RBM45: variants seen among roughly 807,000 people sequenced by gnomAD.
RBM45 encodes the protein RNA binding motif protein 45.
RBM45 carries 39 observed loss-of-function variants against 58.5 expected under a neutral mutation model. That is an observed-to-expected ratio of 0.67 (90% CI 0.52 to 0.87). The LOEUF is 0.87. Ranked by LOEUF, RBM45 falls within the 40% of genes least tolerant of loss-of-function variation. RBM45 has a pLI of 0.00. For synonymous variants in RBM45, 193 were observed against 203.0 expected, an observed-to-expected ratio of 0.95 and a Z score of 0.42; for missense variants, 481 against 581.6, an observed-to-expected ratio of 0.83 and a Z score of 1.78.
chr2:178,123,889 A>T lies in RBM45; in HGVS notation c.1045A>T (p.Asn349Tyr). ...ACAGCTTGCATCAATGGTGTGGAAT[A>T]ACCCAAGTCAGCAACAATTTATGGT... is the stretch of plus-strand genomic sequence containing the variant. ...AAQLASMVWN[N>Y]PSQQQFMQFG... Residue 349 changes from asparagine to tyrosine, a missense_variant, in exon 7 of 10, where the codon AAC becomes TAC. Asn to Tyr is a moderately radical substitution (Grantham distance 143). Transcript: ENST00000286070. 6.2e-7 allele frequency: 1 copy of T among 1,614,106 alleles called. No homozygotes were observed. The highest frequency in any genetic ancestry group is 1.3e-5 in the African/African-American group (1 of 75,064).
At chr2:178,113,100 C>T (rs954937317) in intron 1 of RBM45, among the ~76,000 whole-genome samples, 2 of 152,174 alleles carry the variant, frequency 1.3e-5, no homozygotes, top group African/African-American at 4.8e-5. Context: ...CCGCGGCCAC[C>T]GGGTGACAGA....
chr2:178,118,173 G>A lies in RBM45; in HGVS notation c.542G>A (p.Cys181Tyr). Residue 181 changes from cysteine to tyrosine, a missense_variant, in exon 3 of 10, where the codon TGT (cysteine) becomes TAT (tyrosine). Transcript: ENST00000286070. ...CAAGCTGCCCAAGCAATAGAAAACT[G>A]TGATCGAAGTAAGGATGTGTTTAAC... ...PSQAAQAIEN[C>Y]DRSFRAILAE... is the part of the protein sequence containing the mutation. The A allele has an allele frequency of 6.2e-7, 1 of 1,610,844 alleles. No individual in the cohort carries two copies. Among genetic ancestry groups the A allele is most frequent in the Non-Finnish European group, 8.5e-7 (1 of 1,178,392 alleles).
downstream of RBM45, among the ~76,000 whole-genome samples, chr2:178,132,331 T>G (rs2088012178): frequency 6.6e-6 from 1 of 152,242 alleles, no homozygotes; most frequent in African/African-American, 2.4e-5. Flanking sequence ...ACAGGTTTCA[T>G]CTACTGTAGA....
chr2:178,137,191 A>G (rs1348604535), exon 4 of RBM45: 1 of 152,238 alleles, frequency 6.6e-6, no homozygotes, highest in Non-Finnish European at 1.5e-5. Context: ...TTAAAACTAC[A>G]ATAAGCTACC....
chr2:178,115,406 G>A (rs369893324), intron 1 of RBM45, among the ~76,000 whole-genome samples: 14 of 151,612 alleles, frequency 9.2e-5, no homozygotes, highest in African/African-American at 3.4e-4. Context: ...TATACTTAAA[G>A]CTTCCCTATT....
At chr2:178,129,795 A>G (rs960362930), downstream of RBM45, 8 of 152,530 alleles carry the variant, frequency 5.2e-5, no homozygotes, top group Non-Finnish European at 1.0e-4. Flanking sequence ...AAGCATCTCA[A>G]TATCAGTTGT....
rs1034417193 is a variant in RBM45 at position 178,112,711 on chromosome 2, G to T, written c.165G>T (p.Trp55Cys). The T allele has an allele frequency of 6.2e-7, 1 of 1,614,234 alleles. No homozygotes were observed. The highest frequency in any genetic ancestry group is 1.7e-5 in the Admixed American group (1 of 60,034). Residue 55 changes from tryptophan to cysteine, a missense_variant, in exon 1 of 10, where the codon TGG becomes TGT. Coordinates refer to ENST00000286070, the MANE Select transcript of RBM45 (RefSeq NM_152945.4). ...FSPFGDIQDIWVVRDKHTKES... is the reference protein window; with the variant it reads ...FSPFGDIQDICVVRDKHTKES... ...CTTTTGGCGACATCCAGGACATCTG[G>T]GTGGTGCGGGACAAGCACACCAAGG...
At chr2:178,135,973 A>G (rs2088041663) in intron 3 of RBM45, among the ~76,000 whole-genome samples, 1 of 152,220 alleles carries the variant, frequency 6.6e-6, no homozygotes, top group Non-Finnish European at 1.5e-5. Context: ...TAGGATTTTA[A>G]AAAATGGCTG....
chr2:178,136,235 G>C (rs542913061), intron 3 of RBM45, among the ~76,000 whole-genome samples: 3 of 152,180 alleles, frequency 2.0e-5, no homozygotes, highest in African/African-American at 4.8e-5. Flanking sequence ...GTGTAAACCC[G>C]GGAGGCGGAA....
At chr2:178,127,927 A>G (rs928366829) in intron 9 of RBM45, among the ~76,000 whole-genome samples, 28 of 150,244 alleles carry the variant, frequency 1.9e-4, no homozygotes, top group African/African-American at 6.4e-4. Flanking sequence ...GATTATTTAC[A>G]TGTTAAAGAG....
In RBM45 at chr2:178,129,514, A is replaced by C. The variant is rs2087982027; in HGVS notation, c.*126A>C. 6.6e-6 allele frequency: 1 copy of C among 152,548 alleles called. No individual in the cohort carries two copies. Among genetic ancestry groups the C allele is most frequent in the Admixed American group, 6.6e-5 (1 of 15,258 alleles). 9.4% of individuals were successfully genotyped at this position (152,548 alleles called of 1,614,324 possible). On this transcript the variant is annotated 3_prime_UTR_variant, in exon 10 of 10. Transcript: ENST00000286070. The stretch of plus-strand genomic sequence containing the variant: ...TCCATATACCTGATAGTCTGTGTAC[A>C]GCATTGTTTTGTCTGGGAAGCAGGG...
At chr2:178,117,335 C>G (rs541519299) in intron 2 of RBM45, among the ~76,000 whole-genome samples, 131 of 152,084 alleles carry the variant, frequency 8.6e-4, no homozygotes, top group African/African-American at 2.8e-3. Flanking sequence ...AAATATAACA[C>G]TTTAATGTAT....
chr2:178,124,754 C>T (rs922757631), intron 8 of RBM45, among the ~76,000 whole-genome samples: 2 of 152,152 alleles, frequency 1.3e-5, no homozygotes, highest in African/African-American at 4.8e-5. Flanking sequence ...GTCGAGGTTG[C>T]AGTGAGCCAA....
chr2:178,131,011 G>A (rs2088000168), downstream of RBM45, among the ~76,000 whole-genome samples: 1 of 152,222 alleles, frequency 6.6e-6, no homozygotes, highest in Admixed American at 6.5e-5. Flanking sequence ...GGAGGCTGAG[G>A]CGGTAGGAGT....
At chr2:178,129,043 A>T (rs1209354904) in intron 9 of RBM45, among the ~76,000 whole-genome samples, 1 of 152,212 alleles carries the variant, frequency 6.6e-6, no homozygotes, top group African/African-American at 2.4e-5. Context: ...AGTCATGCCT[A>T]GGAAATAGAA....
At chr2:178,123,498 A>T (rs1419011633) in intron 5 of RBM45, 24 bp from the exon 6 acceptor site, 1 of 1,536,480 alleles carries the variant, frequency 6.5e-7, no homozygotes, top group Non-Finnish European at 8.7e-7. Flanking sequence ...TTCCTTTTTC[A>T]TTTCTGTATG....
In RBM45 at chr2:178,118,065, A is replaced by T; in HGVS notation, c.434A>T (p.Asp145Val). ...DLREKFKVYG[D>V]IEYCSIIKNK... ...TTTTAACTCTCTTAGGTGTATGGAGATATCGAGTATTGCAGCATTATTAAG... is the reference window on the plus strand; with the variant it reads ...TTTTAACTCTCTTAGGTGTATGGAGTTATCGAGTATTGCAGCATTATTAAG... Residue 145 changes from aspartate to valine, a missense_variant, in exon 3 of 10, where the codon GAT becomes GTT. Transcript: ENST00000286070. 1.9e-6 allele frequency: 3 copies of T among 1,610,028 alleles called. No individual in the cohort carries two copies. Among genetic ancestry groups the T allele is most frequent in the South Asian group, 1.1e-5 (1 of 90,534 alleles).
intron 9 of RBM45, among the ~76,000 whole-genome samples, chr2:178,128,785 A>T (rs560065256): frequency 7.4e-4 from 112 of 152,156 alleles, no homozygotes; most frequent in Non-Finnish European, 1.5e-3. Flanking sequence ...TTTGCTGCGG[A>T]TCTCCTATTT....
intron 9 of RBM45, among the ~76,000 whole-genome samples, chr2:178,127,645 G>A (rs916152973): frequency 6.6e-6 from 1 of 151,982 alleles, no homozygotes; most frequent in Admixed American, 6.5e-5. Context: ...ATTTAACCCT[G>A]GATATATTAA....
Sources: gnomAD v4.1 joint callset for allele counts (sites outside exome capture counted in the v4.1 genomes callset) on GRCh38, gnomAD v4.1.1 for gene constraint, MANE v1.5 for transcripts, NCBI Gene and HGNC (gene_info 2026-07-23, HGNC 2026-07-21) for gene names.